USP53: variants seen among roughly 807,000 people sequenced by gnomAD.
USP53 encodes ubiquitin specific peptidase 53.
In USP53, 71 loss-of-function variants were observed where a neutral mutation model predicts 94.9. The observed-to-expected ratio is 0.75, with a 90% confidence interval of 0.62 to 0.91. The LOEUF is 0.91. Among genes scored for constraint, USP53 ranks in the 40% least tolerant of loss-of-function variants. The pLI is 0.00. For synonymous variants in USP53, 375 were observed against 422.7 expected, an observed-to-expected ratio of 0.89 and a Z score of 1.39; for missense variants, 1,173 against 1,281.0, an observed-to-expected ratio of 0.92 and a Z score of 1.29.
intron 17 of USP53, among the ~76,000 whole-genome samples, chr4:119,290,029 T>C (rs1273533505): frequency 1.3e-5 from 2 of 152,208 alleles, no homozygotes; most frequent in African/African-American, 4.8e-5. Flanking sequence ...GTTAAGGTCA[T>C]GTTTTGTAGA....
chr4:119,292,540 G>A lies in USP53; in HGVS notation c.2551G>A (p.Gly851Arg), dbSNP rs562167860. 2.5e-6 allele frequency: 4 copies of A among 1,613,974 alleles called. No homozygotes were observed. The South Asian group carries it at 4.4e-5, about 18-fold the overall frequency. Residue 851 changes from glycine to arginine, a missense_variant, in exon 19 of 19, where the codon GGG becomes AGG. Gly to Arg is a moderately radical substitution (Grantham distance 125). Coordinates refer to ENST00000692078, the MANE Select transcript of USP53 (RefSeq NM_001371395.1). ...TTTTCACGTTGATAACTCTGCTTCT[G>A]GGAAGAGAGTGAACAGTAATGAACC... The part of the protein sequence containing the change: ...LPFHVDNSAS[G>R]KRVNSNEPSS...
chr4:119,287,834 T>C (rs76066482), intron 17 of USP53, among the ~76,000 whole-genome samples: 7,041 of 152,256 alleles, frequency 0.046, 218 homozygotes, highest in Middle Eastern at 0.085. Context: ...AATGGCATAG[T>C]GCAGTGGCAT....
intron 2 of USP53, among the ~76,000 whole-genome samples, chr4:119,216,068 T>C (rs1186673731): frequency 2.0e-5 from 3 of 152,154 alleles, no homozygotes; most frequent in African/African-American, 4.8e-5. Context: ...TGCTAAACAC[T>C]AGAAAGTCAA....
intron 7 of USP53, among the ~76,000 whole-genome samples, chr4:119,255,619 G>A (rs139387362): frequency 5.8e-4 from 89 of 152,252 alleles, no homozygotes; most frequent in African/African-American, 1.7e-3. Flanking sequence ...TCAGTATTTC[G>A]GCAGGAGTGT....
rs145283524 is a variant in USP53, at chr4:119,213,549, C to A, written c.-941-521C>A. Reference sequence around the variant, plus strand: ...CTGAGGATGTTTTGAGGTTTGTAACCCTGCTACAAGGTTTTCTTTATCAAT... The same window carrying A: ...CTGAGGATGTTTTGAGGTTTGTAACACTGCTACAAGGTTTTCTTTATCAAT... On this transcript the variant is annotated intron_variant, in intron 1 of 18. Coordinates refer to ENST00000692078, the MANE Select transcript of USP53 (RefSeq NM_001371395.1). Among the ~76,000 whole-genome samples, 310 of 151,096 alleles carry A rather than the reference C, an allele frequency of 2.1e-3. 1 individual carries two copies. Among genetic ancestry groups the A allele is most frequent in the African/African-American group, 7.2e-3 (293 of 40,962 alleles).
intron 17 of USP53, among the ~76,000 whole-genome samples, chr4:119,279,662 A>G (rs1170976370): frequency 6.6e-6 from 1 of 151,960 alleles, no homozygotes; most frequent in Non-Finnish European, 1.5e-5. Context: ...TTGTTTACCT[A>G]AGCAAGCCTG....
At chr4:119,265,459 C>T (rs1037338585) in intron 12 of USP53, among the ~76,000 whole-genome samples, 2 of 152,042 alleles carry the variant, frequency 1.3e-5, no homozygotes, top group Non-Finnish European at 2.9e-5. Context: ...ATTTTATATT[C>T]ACATTGACTC....
At chr4:119,281,496 C>T (rs1232475260) in intron 17 of USP53, among the ~76,000 whole-genome samples, 2 of 152,112 alleles carry the variant, frequency 1.3e-5, no homozygotes, top group African/African-American at 4.8e-5. Flanking sequence ...GAAGGAAACA[C>T]TTATATTAAG....
Position 119,213,660 on chromosome 4 carries a change from A to ATATGTGTGTGTGTGTGTGTGTGTGTGTG in USP53, c.-941-409_-941-408insATGTGTGTGTGTGTGTGTGTGTGTGTGT. Among the ~76,000 whole-genome samples, 100 of 117,738 alleles carry ATATGTGTGTGTGTGTGTGTGTGTGTGTG rather than the reference A, an allele frequency of 8.5e-4. 2 individuals are homozygous for ATATGTGTGTGTGTGTGTGTGTGTGTGTG. The highest frequency in any genetic ancestry group is 3.4e-3 in the African/African-American group (94 of 27,764). 77.2% of individuals were successfully genotyped at this position (117,738 alleles called of 152,430 possible). On this transcript the variant is annotated intron_variant, in intron 1 of 18. Transcript: ENST00000692078. ...GAAATAGATATATATATATATATATATGTGTGTGTGTGTATGTATGTATGT... is the reference window on the plus strand; with the variant it reads ...GAAATAGATATATATATATATATATATATGTGTGTGTGTGTGTGTGTGTGTGTGTGTGTGTGTGTGTATGTATGTATGT...
chr4:119,253,816 A>G (rs536164799), intron 7 of USP53, among the ~76,000 whole-genome samples: 5 of 152,170 alleles, frequency 3.3e-5, no homozygotes, highest in Non-Finnish European at 5.9e-5. Context: ...CATAGCGTCA[A>G]TGGTCTTTAA....
chr4:119,228,400 G>C (rs1274860904), intron 3 of USP53, among the ~76,000 whole-genome samples: 1 of 152,200 alleles, frequency 6.6e-6, no homozygotes, highest in Non-Finnish European at 1.5e-5. Flanking sequence ...ACCAGCCAGA[G>C]AAAGCACTCT....
intron 5 of USP53, among the ~76,000 whole-genome samples, chr4:119,243,407 A>G (rs1164753319): frequency 1.3e-5 from 2 of 152,220 alleles, no homozygotes; most frequent in Non-Finnish European, 2.9e-5. Flanking sequence ...CTGAGACACA[A>G]GAATTGCTTG....
At chr4:119,274,234 C>G (rs556406965) in intron 17 of USP53, among the ~76,000 whole-genome samples, 70 of 145,834 alleles carry the variant, frequency 4.8e-4, no homozygotes, top group African/African-American at 1.7e-3. Context: ...TCTCCCAGTG[C>G]TATCCCTCCC....
intron 13 of USP53, among the ~76,000 whole-genome samples, chr4:119,267,843 G>A (rs1016175868): frequency 6.6e-6 from 1 of 152,180 alleles, no homozygotes; most frequent in Non-Finnish European, 1.5e-5. Context: ...ATGTCAATCC[G>A]CTTAAGTTTT....
chr4:119,271,861 A>C lies in USP53; in HGVS notation c.2001A>C (p.Lys667Asn), dbSNP rs1168687941. ...ATGGAAAAGGAGCAGAGAAAAATAA[A>C]GGCCTTGTAGAGGGTAAAGTGCATG... is the stretch of plus-strand genomic sequence containing the variant. ...ESNGKGAEKN[K>N]GLVEGKVHGD... The change falls in exon 16 of 19, where the codon AAA (lysine) becomes AAC (asparagine). Residue 667 changes from lysine (K) to asparagine (N), a missense_variant. Physicochemically the swap from Lys to Asn is moderately conservative, Grantham distance 94. Coordinates refer to ENST00000692078, the MANE Select transcript of USP53 (RefSeq NM_001371395.1). The C allele has an allele frequency of 4.3e-6, 7 of 1,613,292 alleles. No individual in the cohort carries two copies. The highest frequency in any genetic ancestry group is 3.4e-6 in the Non-Finnish European group (4 of 1,179,854).
chr4:119,293,596 T>TC lies in USP53; in HGVS notation c.*390dup, dbSNP rs1755009777. ...TACAGTTGAATAAAAATTAAATTTG[T>TC]CCCCCTATTTTGTGGCCAGTAGACT... On this transcript the variant is annotated 3_prime_UTR_variant, in exon 19 of 19. Transcript: ENST00000692078. 6.2e-6 allele frequency: 1 copy of TC among 161,760 alleles called. No homozygotes were observed. The highest frequency in any genetic ancestry group is 1.3e-5 in the Non-Finnish European group (1 of 74,542). 10.0% of individuals were successfully genotyped at this position (161,760 alleles called of 1,614,324 possible).
chr4:119,275,528 G>C (rs1206720212), intron 17 of USP53, among the ~76,000 whole-genome samples: 1 of 146,712 alleles, frequency 6.8e-6, no homozygotes, highest in Non-Finnish European at 1.5e-5. Flanking sequence ...AAGTCAGGTA[G>C]TGTGATGCCT....
intron 3 of USP53, among the ~76,000 whole-genome samples, chr4:119,226,356 A>G (rs1320288596): frequency 6.6e-6 from 1 of 152,266 alleles, no homozygotes; most frequent in African/African-American, 2.4e-5. Context: ...AGAGGCTTAC[A>G]GATTAGAAAG....
intron 5 of USP53, among the ~76,000 whole-genome samples, chr4:119,242,085 TCTTTA>T (rs970618013): frequency 6.6e-5 from 10 of 152,264 alleles, no homozygotes; most frequent in Non-Finnish European, 1.2e-4. Flanking sequence ...CTCTTTCATG[TCTTTA>T]CTTAGCATTT....
Sources: gnomAD v4.1 joint callset for allele counts (sites outside exome capture counted in the v4.1 genomes callset) on GRCh38, gnomAD v4.1.1 for gene constraint, MANE v1.5 for transcripts, NCBI Gene and HGNC (gene_info 2026-07-23, HGNC 2026-07-21) for gene names.